The following TWF2 variants were observed in gnomAD, a reference collection of about 807,000 sequenced individuals.
TWF2 encodes twinfilin-2.
Under a neutral mutation model 45.1 loss-of-function variants are expected in TWF2, and 15 were observed. That is an observed-to-expected ratio of 0.33 (90% CI 0.22 to 0.51). TWF2 has a LOEUF of 0.51. TWF2 is among the 20% of genes least tolerant of loss of function. The pLI is 0.97. For synonymous variants in TWF2, 177 were observed against 195.8 expected, an observed-to-expected ratio of 0.90 and a Z score of 0.80; for missense variants, 423 against 469.1, an observed-to-expected ratio of 0.90 and a Z score of 0.91.
intron 2 of TWF2, 115 bp downstream of exon 2, chr3:52,234,914 C>T (rs1376374600): frequency 9.1e-6 from 11 of 1,206,122 alleles, no homozygotes; most frequent in Non-Finnish European, 1.3e-5. Context: ...CACCCATTTC[C>T]AGAGTGGGAA....
At chr3:52,236,240 A>G (rs1415428725) in intron 1 of TWF2, among the ~76,000 whole-genome samples, 49 of 151,346 alleles carry the variant, frequency 3.2e-4, no homozygotes, top group African/African-American at 1.2e-3. Context: ...GGCGGAGGTT[A>G]CAGTGAGCTG....
intron 2 of TWF2, among the ~76,000 whole-genome samples, chr3:52,232,827 A>G (rs1243882187): frequency 6.6e-6 from 1 of 152,000 alleles, no homozygotes; most frequent in African/African-American, 2.4e-5. Context: ...GACCACCCTG[A>G]CCAACATGGA....
chr3:52,237,021 G>C (rs1699731945), intron 1 of TWF2, among the ~76,000 whole-genome samples: 1 of 152,178 alleles, frequency 6.6e-6, no homozygotes, highest in Non-Finnish European at 1.5e-5. Flanking sequence ...TGGCGATGGT[G>C]GCCTCTATTA....
At chr3:52,233,790 T>C (rs1317877243) in intron 2 of TWF2, among the ~76,000 whole-genome samples, 2 of 151,748 alleles carry the variant, frequency 1.3e-5, no homozygotes, top group African/African-American at 4.8e-5. Flanking sequence ...GGTGGTCGCC[T>C]GTAGTCCCAG....
At chr3:52,238,937 G>GT in intron 1 of TWF2, 55 bp downstream of exon 1, 6 of 1,566,584 alleles carry the variant, frequency 3.8e-6, no homozygotes, top group Non-Finnish European at 5.2e-6. Flanking sequence ...GCCGGGGGGG[G>GT]GCGCTTCCGA....
At position 52,231,943 on chromosome 3, in the gene TWF2, C is replaced by A; in HGVS notation, c.282+1G>T. ...TCACTTCCCACTGGCCCAGGACTCA[C>A]GGGGGAGTTATCAGGCGACCAGGCG... On this transcript the variant is annotated splice_donor_variant, in intron 3 of 8. Transcript: ENST00000305533. LOFTEE classifies it high-confidence loss of function. 2 of 1,611,214 alleles carry A rather than the reference C, an allele frequency of 1.2e-6. No individual in the cohort carries two copies. The highest frequency in any genetic ancestry group is 1.7e-4 in the Middle Eastern group (1 of 6,052).
chr3:52,236,303 G>GAAA (rs752685538), intron 1 of TWF2, among the ~76,000 whole-genome samples: 1 of 105,510 alleles, frequency 9.5e-6, no homozygotes. Context: ...CTCCGCCTCA[G>GAAA]AAAAAAAAAA....
At chr3:52,231,665 G>C in intron 3 of TWF2, 126 bp from the exon 4 acceptor site, 1 of 1,138,688 alleles carries the variant, frequency 8.8e-7, no homozygotes, top group South Asian at 1.5e-5. Context: ...GGCCAGCCCG[G>C]GGCCAGGACG....
intron 1 of TWF2, among the ~76,000 whole-genome samples, chr3:52,236,669 C>T (rs900172298): frequency 2.6e-5 from 4 of 152,084 alleles, no homozygotes; most frequent in Non-Finnish European, 4.4e-5. Context: ...TCCTCAGGTG[C>T]CCCCCCTTTG....
chr3:52,235,145 G>T, intron 1 of TWF2, 39 bp from the exon 2 acceptor site: 1 of 1,604,102 alleles, frequency 6.2e-7, no homozygotes. Context: ...TGAGTGGGCA[G>T]AGTGGACAGA....
chr3:52,232,637 C>T (rs192798547), intron 2 of TWF2, among the ~76,000 whole-genome samples: 34 of 152,328 alleles, frequency 2.2e-4, no homozygotes, highest in South Asian at 6.2e-4. Flanking sequence ...GTAAAAGCCT[C>T]TGGAAAGGAG....
In TWF2 at chr3:52,228,974, G is replaced by A. The variant is rs1216431713; in HGVS notation, c.*60C>T. The A allele has an allele frequency of 1.2e-5, 18 of 1,561,834 alleles. No homozygotes were observed. The highest frequency in any genetic ancestry group is 1.1e-4 in the East Asian group (5 of 44,258). On this transcript the variant is annotated 3_prime_UTR_variant, in exon 9 of 9. Coordinates refer to ENST00000305533, the MANE Select transcript of TWF2 (RefSeq NM_007284.4). ...CTGGAGCCCAGGAAGGAGGATGGTG[G>A]CAGGGAGCGGAAGGTGGGCAGCCCC...
Position 52,233,165 on chromosome 3 carries a change from C to T in TWF2, c.104-1043G>A, listed in dbSNP as rs575666186. 7.9e-5 allele frequency among the ~76,000 whole-genome samples: 12 copies of T among 152,372 alleles called. 1 individual carries two copies. In the South Asian group the frequency reaches 2.5e-3, roughly 32 times the overall value. On this transcript the variant is annotated intron_variant, in intron 2 of 8. Coordinates refer to ENST00000305533, the MANE Select transcript of TWF2 (RefSeq NM_007284.4). ...CACCAGACACCAGCCTGGGTATACACAGGTCTAGCCTGGAGCAATAACTGG... is the reference window on the plus strand; with the variant it reads ...CACCAGACACCAGCCTGGGTATACATAGGTCTAGCCTGGAGCAATAACTGG...
At chr3:52,232,362 C>A (rs1028191190) in intron 2 of TWF2, 2 of 571,546 alleles carry the variant, frequency 3.5e-6, no homozygotes, top group Non-Finnish European at 6.2e-6. Flanking sequence ...GCACACACCC[C>A]CCCACACACA....
Position 52,237,020 on chromosome 3 carries a change from T to C in TWF2, c.26-1914A>G, listed in dbSNP as rs567235605. Among the ~76,000 whole-genome samples, 6 of 152,230 alleles carry C rather than the reference T, an allele frequency of 3.9e-5. No homozygotes were observed. The South Asian group carries it at 1.2e-3, about 32-fold the overall frequency. ...AATGGGAGAAAGGGCTTGGCGATGG[T>C]GGCCTCTATTAATAACAATTAATCT... On this transcript the variant is annotated intron_variant, in intron 1 of 8. Coordinates refer to ENST00000305533, the MANE Select transcript of TWF2 (RefSeq NM_007284.4).
rs114464632 is a variant in TWF2, at chr3:52,231,983, G to A, written c.243C>T (p.Phe81=). Residue 81 remains phenylalanine (F), a synonymous_variant, in exon 3 of 9, where the codon TTC becomes TTT. Coordinates refer to ENST00000305533, the MANE Select transcript of TWF2 (RefSeq NM_007284.4). Reference sequence around the variant, plus strand: ...GCGACCAGGCGAGGAAGAGCCATTCGAAGCCCTGAGCATTCTGTGAGTCGA... The same window carrying A: ...GCGACCAGGCGAGGAAGAGCCATTCAAAGCCCTGAGCATTCTGTGAGTCGA... ...YRLDSQNAQG[F]EWLFLAWSPD... is the part of the protein sequence containing the mutation. 181 of 1,614,052 alleles carry A rather than the reference G, an allele frequency of 1.1e-4. No homozygotes were observed. In the African/African-American group the frequency reaches 1.9e-3, roughly 17 times the overall value.
At position 52,230,751 on chromosome 3, in the gene TWF2, G is replaced by A. The variant is rs1038183825; in HGVS notation, c.609+119C>T. 35 of 1,425,122 alleles carry A rather than the reference G, an allele frequency of 2.5e-5. 1 individual carries two copies. In the South Asian group the frequency reaches 3.5e-4, roughly 14 times the overall value. 88.3% of individuals were successfully genotyped at this position (1,425,122 alleles called of 1,614,324 possible). ...CATGTGTTCCCACAAGCACATGGACGAGCTGAAGGGGACAGACTGCAGGCT... is the reference window on the plus strand; with the variant it reads ...CATGTGTTCCCACAAGCACATGGACAAGCTGAAGGGGACAGACTGCAGGCT... On this transcript the variant is annotated intron_variant, in intron 6 of 8. Coordinates refer to ENST00000305533, the MANE Select transcript of TWF2 (RefSeq NM_007284.4).
intron 2 of TWF2, among the ~76,000 whole-genome samples, chr3:52,232,914 G>A (rs1419311345): frequency 2.0e-5 from 3 of 152,342 alleles, no homozygotes; most frequent in Middle Eastern, 3.4e-3. Flanking sequence ...GGAGGCTGAG[G>A]TGGGAGAATC....
intron 4 of TWF2, 55 bp downstream of exon 4, chr3:52,231,389 G>T (rs954542100): frequency 1.8e-4 from 289 of 1,597,730 alleles, no homozygotes; most frequent in Non-Finnish European, 6.2e-5. Flanking sequence ...CCTGCACAGT[G>T]ACCCCTCTCT....
Sources: allele counts gnomAD v4.1 joint callset (sites outside exome capture counted in the v4.1 genomes callset), GRCh38; gene constraint gnomAD v4.1.1; transcripts MANE v1.5; gene names NCBI Gene and HGNC (gene_info 2026-07-23, HGNC 2026-07-21).